METTL15: variants seen among roughly 807,000 people sequenced by gnomAD.
METTL15 encodes the protein methyltransferase 15, mitochondrial 12S rRNA N4-cytidine.
Under a neutral mutation model 38.3 loss-of-function variants are expected in METTL15, and 34 were observed. That is an observed-to-expected ratio of 0.89 (90% CI 0.68 to 1.18). The LOEUF (loss-of-function observed/expected upper bound fraction) is 1.18. Ranked by LOEUF, METTL15 falls within the 50% of genes most tolerant of loss-of-function variation. METTL15 has a pLI of 0.00. For synonymous variants in METTL15, 162 were observed against 170.9 expected, an observed-to-expected ratio of 0.95 and a Z score of 0.41; for missense variants, 438 against 498.4, an observed-to-expected ratio of 0.88 and a Z score of 1.15.
chr11:28,144,710 T>C (rs1415702238), intron 3 of METTL15, among the ~76,000 whole-genome samples: 8 of 152,118 alleles, frequency 5.3e-5, no homozygotes, highest in East Asian at 1.9e-4. Flanking sequence ...AGGAAACTCA[T>C]TGGTAAATTT....
chr11:28,497,776 A>G (rs897487727), intron 6 of METTL15, among the ~76,000 whole-genome samples: 1 of 152,092 alleles, frequency 6.6e-6, no homozygotes, highest in Admixed American at 6.6e-5. Flanking sequence ...AGGGGTATTA[A>G]GGCTGGATGC....
At chr11:28,238,074 G>C (rs564443584) in intron 4 of METTL15, among the ~76,000 whole-genome samples, 1 of 152,228 alleles carries the variant, frequency 6.6e-6, no homozygotes, top group Non-Finnish European at 1.5e-5. Flanking sequence ...CACTTGAGGA[G>C]GCAGTCTGCC....
intron 6 of METTL15, among the ~76,000 whole-genome samples, chr11:28,298,544 T>C (rs1380115700): frequency 6.6e-6 from 1 of 152,126 alleles, no homozygotes; most frequent in East Asian, 1.9e-4. Context: ...TTTCTGTCTG[T>C]GCATCCTACT....
chr11:28,155,105 G>A (rs1850218763), intron 3 of METTL15, among the ~76,000 whole-genome samples: 1 of 152,084 alleles, frequency 6.6e-6, no homozygotes, highest in South Asian at 2.1e-4. Flanking sequence ...GATGTCTGCA[G>A]CATTAAGGTA....
At chr11:28,183,240 A>G (rs1372774091) in intron 3 of METTL15, among the ~76,000 whole-genome samples, 3 of 152,020 alleles carry the variant, frequency 2.0e-5, no homozygotes, top group East Asian at 3.9e-4. Context: ...CTGTTTGAAT[A>G]CCCTTTGTTT....
intron 4 of METTL15, among the ~76,000 whole-genome samples, chr11:28,219,143 TCTC>T (rs1363773782): frequency 1.3e-5 from 2 of 152,122 alleles, no homozygotes; most frequent in Non-Finnish European, 2.9e-5. Flanking sequence ...GGTACCAACT[TCTC>T]CTTGTACCTC....
chr11:28,304,938 GA>G (rs1857030997), intron 6 of METTL15, among the ~76,000 whole-genome samples: 1 of 152,068 alleles, frequency 6.6e-6, no homozygotes, highest in African/African-American at 2.4e-5. Flanking sequence ...CACTCTGATG[GA>G]AAATGGTATG....
chr11:28,208,674 T>G (rs1282661612), intron 3 of METTL15, among the ~76,000 whole-genome samples: 6 of 152,272 alleles, frequency 3.9e-5, no homozygotes, highest in Middle Eastern at 3.4e-3. Context: ...TTGTTAACTT[T>G]TTGTCTCCTT....
chr11:28,497,952 G>A (rs1275629368), intron 6 of METTL15, among the ~76,000 whole-genome samples: 4 of 151,610 alleles, frequency 2.6e-5, no homozygotes, highest in Admixed American at 2.6e-4. Flanking sequence ...TACTTGGGAA[G>A]CTGAGGCATG....
At chr11:28,309,557 C>T (rs375045824) in intron 6 of METTL15, among the ~76,000 whole-genome samples, 106 of 152,268 alleles carry the variant, frequency 7.0e-4, no homozygotes, top group African/African-American at 2.4e-3. Context: ...ACCCCGCAAC[C>T]CATGGTCCAG....
chr11:28,197,496 C>T, intron 3 of METTL15: 1 of 452,590 alleles, frequency 2.2e-6, no homozygotes, highest in South Asian at 1.6e-5. Flanking sequence ...GTGATGTGGA[C>T]TAGGATGGTG....
In METTL15 at chr11:28,330,576, C is replaced by T. The variant is rs1849784304; in HGVS notation, c.959C>T (p.Ser320Phe). Residue 320 changes from serine to phenylalanine, a missense_variant, in exon 7 of 7, where the codon TCC becomes TTC. Coordinates refer to ENST00000407364, the MANE Select transcript of METTL15 (RefSeq NM_001113528.2). ...CCTGGTGGTCGTCTTGTTGCCCTCT[C>T]CTTCCATTCACTAGAGGATCGCATC... ...LRPGGRLVALSFHSLEDRIVK... is the reference protein window; with the variant it reads ...LRPGGRLVALFFHSLEDRIVK... 2 of 1,551,470 alleles carry T rather than the reference C, an allele frequency of 1.3e-6. No homozygotes were observed. Among genetic ancestry groups the T allele is most frequent in the Non-Finnish European group, 1.7e-6 (2 of 1,146,908 alleles).
intron 6 of METTL15, among the ~76,000 whole-genome samples, chr11:28,464,608 G>T (rs1231584863): frequency 6.6e-6 from 1 of 152,220 alleles, no homozygotes; most frequent in East Asian, 1.9e-4. Flanking sequence ...CAGATGATAT[G>T]TGAATCCTTC....
intron 5 of METTL15, among the ~76,000 whole-genome samples, chr11:28,397,316 G>A (rs1850581584): frequency 6.6e-6 from 1 of 151,750 alleles, no homozygotes; most frequent in South Asian, 2.1e-4. Flanking sequence ...CCTACAGAAT[G>A]GGAGAAAATT....
At chr11:28,162,601 A>C (rs371410136) in intron 3 of METTL15, among the ~76,000 whole-genome samples, 4 of 152,296 alleles carry the variant, frequency 2.6e-5, no homozygotes, top group Admixed American at 6.5e-5. Flanking sequence ...TGAAGATGTC[A>C]TAAGTCAAAA....
chr11:28,279,716 T>A (rs1855978886), intron 4 of METTL15, among the ~76,000 whole-genome samples: 1 of 152,018 alleles, frequency 6.6e-6, no homozygotes, highest in South Asian at 2.1e-4. Flanking sequence ...CTGGCCAACA[T>A]GGTGAAACCC....
intron 5 of METTL15, among the ~76,000 whole-genome samples, chr11:28,294,082 C>T (rs1182667681): frequency 6.6e-6 from 1 of 152,136 alleles, no homozygotes; most frequent in African/African-American, 2.4e-5. Flanking sequence ...ACGAGAACTT[C>T]CAACACTATG....
At chr11:28,122,339 G>A (rs1032328869) in intron 3 of METTL15, among the ~76,000 whole-genome samples, 15 of 98,210 alleles carry the variant, frequency 1.5e-4, no homozygotes, top group African/African-American at 6.1e-4. Context: ...GTATATGTGT[G>A]TGTGTGTGTG....
At chr11:28,277,323 TCA>T (rs1855881738) in intron 4 of METTL15, among the ~76,000 whole-genome samples, 1 of 152,182 alleles carries the variant, frequency 6.6e-6, no homozygotes. Context: ...AGATATGGAA[TCA>T]ATCTAAGTGT....
Sources: gnomAD v4.1 joint callset for allele counts (sites outside exome capture counted in the v4.1 genomes callset) on GRCh38, gnomAD v4.1.1 for gene constraint, MANE v1.5 for transcripts, NCBI Gene and HGNC (gene_info 2026-07-23, HGNC 2026-07-21) for gene names.